The following PTPRU variants were observed in gnomAD, a reference collection of about 807,000 sequenced individuals.
The protein encoded by PTPRU is protein tyrosine phosphatase receptor type U, also known as receptor-type tyrosine-protein phosphatase U.
PTPRU carries 69 observed loss-of-function variants against 166.3 expected under a neutral mutation model. That is an observed-to-expected ratio of 0.41 (90% CI 0.34 to 0.51). PTPRU has a LOEUF of 0.51. PTPRU is among the 20% of genes least tolerant of loss of function. The pLI is 0.09. For missense variants in PTPRU, 1,657 were observed against 2,013.7 expected (o/e 0.82, Z 3.39); for synonymous variants, 793 against 814.0 (o/e 0.97, Z 0.44).
At chr1:29,318,737 G>T (rs1016287776) in intron 25 of PTPRU, among the ~76,000 whole-genome samples, 2 of 152,236 alleles carry the variant, frequency 1.3e-5, no homozygotes, top group African/African-American at 4.8e-5. Flanking sequence ...GCCTTTACTG[G>T]CAGGGAGCAG....
chr1:29,269,412 C>T (rs1013923929), intron 7 of PTPRU, among the ~76,000 whole-genome samples: 2 of 151,034 alleles, frequency 1.3e-5, no homozygotes, highest in Non-Finnish European at 3.0e-5. Flanking sequence ...GTGTTTTTAA[C>T]AGCAGCAGCA....
At chr1:29,324,129 T>C (rs1225559109) in intron 28 of PTPRU, among the ~76,000 whole-genome samples, 1 of 152,224 alleles carries the variant, frequency 6.6e-6, no homozygotes, top group Non-Finnish European at 1.5e-5. Context: ...TGTTCATGCA[T>C]GCACACATGT....
chr1:29,314,360 G>C (rs1416584753), intron 22 of PTPRU, among the ~76,000 whole-genome samples: 2 of 152,182 alleles, frequency 1.3e-5, no homozygotes, highest in African/African-American at 4.8e-5. Context: ...AGCCCCACCA[G>C]GGGTATTTGG....
chr1:29,310,936 C>T (rs1557477674), intron 19 of PTPRU, among the ~76,000 whole-genome samples, 156 bp downstream of exon 19: 2 of 152,270 alleles, frequency 1.3e-5, no homozygotes, highest in South Asian at 2.1e-4. Context: ...TTCATCTGCT[C>T]CCGATTCTGC....
intron 7 of PTPRU, among the ~76,000 whole-genome samples, chr1:29,262,837 C>G (rs1016594923): frequency 2.6e-5 from 4 of 152,028 alleles, no homozygotes; most frequent in Admixed American, 6.6e-5. Flanking sequence ...AGCAGTCATC[C>G]CCATTTCACT....
intron 7 of PTPRU, among the ~76,000 whole-genome samples, chr1:29,275,183 T>C (rs1412794673): frequency 6.6e-6 from 1 of 152,182 alleles, no homozygotes; most frequent in Admixed American, 6.5e-5. Context: ...CATTTTGCAG[T>C]TGAGGAATCT....
intron 24 of PTPRU, among the ~76,000 whole-genome samples, chr1:29,316,871 C>T (rs1437582638): frequency 6.6e-6 from 1 of 152,144 alleles, no homozygotes; most frequent in Non-Finnish European, 1.5e-5. Flanking sequence ...CAAGGCCTGG[C>T]TCTTGGGGCA....
rs1045705636 is a variant in PTPRU at position 29,260,964 on chromosome 1, C to T, written c.1144+61C>T. On this transcript the variant is annotated intron_variant, in intron 7 of 29. Transcript: ENST00000373779. The surrounding 1 kb of genome is among the most constrained non-coding windows in gnomAD (Gnocchi z 8.3). ...GTGGGCCCAGGGCTATGGAGGGGCG[C>T]ATTCGAGAGGTAGCGTGGCCTGTGC... is the stretch of plus-strand genomic sequence containing the variant. 1 of 1,452,728 alleles carries T rather than the reference C, an allele frequency of 6.9e-7. No individual in the cohort carries two copies. Among genetic ancestry groups the T allele is most frequent in the African/African-American group, 1.4e-5 (1 of 69,098 alleles). The allele number at this position is 1,452,728 out of a possible 1,614,324, so 90.0% of individuals were successfully genotyped here.
intron 8 of PTPRU, among the ~76,000 whole-genome samples, chr1:29,276,993 T>C (rs1239659167): frequency 3.3e-5 from 5 of 152,252 alleles, no homozygotes; most frequent in Non-Finnish European, 7.3e-5. Context: ...TATCATTCAG[T>C]TCAATTTGTT....
rs762448533 is a variant in PTPRU at position 29,312,565 on chromosome 1, C to T, written c.3086C>T (p.Ala1029Val). The change falls in exon 22 of 30, where the codon GCC (alanine) becomes GTC (valine). Residue 1029 changes from alanine to valine, a missense_variant. Transcript: ENST00000373779. ...TFALERRGYSARHEVRQFHFT... is the reference protein window; with the variant it reads ...TFALERRGYSVRHEVRQFHFT... The stretch of plus-strand genomic sequence containing the variant: ...TTGTCTCCCCAGAGAGGCTACTCTG[C>T]CCGGCACGAGGTCCGCCAGTTCCAC... The T allele has an allele frequency of 6.3e-7, 1 of 1,591,874 alleles. No homozygotes were observed.
At position 29,326,017 on chromosome 1, in the gene PTPRU, G is replaced by A. The variant is rs1369013567; in HGVS notation, c.*356G>A. The A allele has an allele frequency of 2.4e-6, 1 of 418,196 alleles. No homozygotes were observed. The highest frequency in any genetic ancestry group is 4.2e-6 in the Non-Finnish European group (1 of 239,304). The allele number at this position is 418,196 out of a possible 1,614,324, so 25.9% of individuals were successfully genotyped here. Reference sequence around the variant, plus strand: ...CCCCTTGGCACCATCCTGGCTTTTGGCAGGGATGAGTGAGGCCCTGCAGAG... The same window carrying A: ...CCCCTTGGCACCATCCTGGCTTTTGACAGGGATGAGTGAGGCCCTGCAGAG... On this transcript the variant is annotated 3_prime_UTR_variant, in exon 30 of 30. Transcript: ENST00000373779.
In PTPRU at chr1:29,280,388, GAGGGGACTGTCCAGGCCTGTCC is replaced by G. The variant is rs879798296; in HGVS notation, c.1868+253_1868+274del. On this transcript the variant is annotated intron_variant, in intron 11 of 29. Coordinates refer to ENST00000373779, the MANE Select transcript of PTPRU (RefSeq NM_133178.4). This position sits in a 1 kb window ranked among gnomAD's most constrained non-coding sequence, Gnocchi z 4.2. ...GGACCCTGGATAGGTCCAGCCTGGA[GAGGGGACTGTCCAGGCCTGTCC>G]AGGGGGCCTTTCCTCAGACACCTTG... Among the ~76,000 whole-genome samples the G allele has an allele frequency of 3.3e-5, 5 of 152,366 alleles. No homozygotes were observed. The highest frequency in any genetic ancestry group is 3.4e-3 in the Middle Eastern group (1 of 294).
At chr1:29,305,612 A>C (rs572298614) in intron 18 of PTPRU, 184 bp downstream of exon 18, 19 of 775,246 alleles carry the variant, frequency 2.5e-5, no homozygotes, top group Non-Finnish European at 4.4e-5. Flanking sequence ...CAGCTTCTGG[A>C]AGGCTTTCTG....
chr1:29,313,711 G>A (rs1557481376), intron 22 of PTPRU, among the ~76,000 whole-genome samples: 1 of 152,060 alleles, frequency 6.6e-6, no homozygotes, highest in African/African-American at 2.4e-5. Context: ...AAAAATTAGT[G>A]GGTTGTGGTG....
chr1:29,290,661 C>T (rs2151957467), intron 14 of PTPRU, among the ~76,000 whole-genome samples: 1 of 152,384 alleles, frequency 6.6e-6, no homozygotes, highest in East Asian at 1.9e-4. Flanking sequence ...AACTCAACAC[C>T]CAGCGACTCG....
At chr1:29,307,222 C>A in intron 18 of PTPRU, 1 of 1,522,570 alleles carries the variant, frequency 6.6e-7, no homozygotes, top group Non-Finnish European at 9.1e-7. Flanking sequence ...CAGACTCTCT[C>A]ACGGTCTCTG....
At position 29,317,473 on chromosome 1, in the gene PTPRU, A is replaced by C. The variant is rs1471080096; in HGVS notation, c.3514-275A>C. Among the ~76,000 whole-genome samples, 1 of 152,100 alleles carries C rather than the reference A, an allele frequency of 6.6e-6. No homozygotes were observed. Among genetic ancestry groups the C allele is most frequent in the African/African-American group, 2.4e-5 (1 of 41,418 alleles). ...AGTAGGCATATTACTTCCCTATTTC[A>C]CAGTCGAGGAAACTGAGGCTGAGAG... On this transcript the variant is annotated intron_variant, in intron 24 of 29. Transcript: ENST00000373779. The surrounding 1 kb of genome is among the most constrained non-coding windows in gnomAD (Gnocchi z 5.6).
At position 29,259,510 on chromosome 1, in the gene PTPRU, G is replaced by T; in HGVS notation, c.621G>T (p.Ser207=). ...DVEVNAGQNA[S]FQCMAAGRAA... is the part of the protein sequence containing the mutation. ...AGGTCAACGCGGGCCAGAACGCGTC[G>T]TTCCAGTGCATGGCCGCGGGCAGAG... The change falls in exon 5 of 30, where the codon TCG becomes TCT. Residue 207 remains serine (S), a synonymous_variant. Transcript: ENST00000373779. 1.2e-6 allele frequency: 2 copies of T among 1,600,628 alleles called. No individual in the cohort carries two copies. Among genetic ancestry groups the T allele is most frequent in the Non-Finnish European group, 8.5e-7 (1 of 1,172,544 alleles).
intron 7 of PTPRU, among the ~76,000 whole-genome samples, chr1:29,267,729 G>A (rs752242760): frequency 9.2e-5 from 14 of 152,230 alleles, no homozygotes; most frequent in Non-Finnish European, 1.9e-4. Context: ...GAGCTGGGGA[G>A]CCACTGAAGA....
Sources: gnomAD v4.1 joint callset for allele counts (sites outside exome capture counted in the v4.1 genomes callset) on GRCh38, gnomAD v4.1.1 for gene constraint, Gnocchi (gnomAD v3.1) non-coding constraint, MANE v1.5 for transcripts, NCBI Gene and HGNC (gene_info 2026-07-23, HGNC 2026-07-21) for gene names.